CYP2S1: variants seen among roughly 807,000 people sequenced by gnomAD.
The protein encoded by CYP2S1 is cytochrome P450 family 2 subfamily S member 1.
CYP2S1 carries 32 observed loss-of-function variants against 43.5 expected under a neutral mutation model. The ratio of observed to expected loss-of-function variants is 0.74; its 90% CI spans 0.56 to 0.99. The LOEUF is 0.99. Among genes scored for constraint, CYP2S1 ranks in the 50% least tolerant of loss-of-function variants. The probability of loss-of-function intolerance (pLI) is 0.00; values close to 1 mark genes in which losing one functional copy is unlikely to be tolerated. For missense variants in CYP2S1, 575 were observed against 673.9 expected (o/e 0.85, Z 1.62); for synonymous variants, 283 against 302.9 (o/e 0.93, Z 0.68).
intron 2 of CYP2S1, 70 bp downstream of exon 2, chr19:41,194,779 T>G: frequency 1.3e-6 from 2 of 1,553,094 alleles, no homozygotes; most frequent in South Asian, 2.5e-5. Flanking sequence ...CCTTTGCACA[T>G]GGCTTAGTCC....
At chr19:41,203,231 T>C (rs1358990487) in intron 6 of CYP2S1, among the ~76,000 whole-genome samples, 1 of 151,092 alleles carries the variant, frequency 6.6e-6, no homozygotes, top group Non-Finnish European at 1.5e-5. Context: ...ATAATAATAA[T>C]AAAATGAAAT....
At chr19:41,200,672 C>T (rs1037762254) in intron 5 of CYP2S1, among the ~76,000 whole-genome samples, 10 of 152,148 alleles carry the variant, frequency 6.6e-5, no homozygotes, top group Non-Finnish European at 1.3e-4. Flanking sequence ...CTGTGCCTGG[C>T]CAGGAAGTAG....
rs1172318808 is a variant in CYP2S1, at chr19:41,193,339, G to C, written c.75G>C (p.Gly25=). Residue 25 remains glycine, a synonymous_variant, in exon 1 of 9, where the codon GGG becomes GGC. Transcript: ENST00000310054. ...LLLLLTLALS[G]TRARGHLPPG... ...TGCTGCTGACGCTGGCGCTGTCCGG[G>C]ACCAGGGCCCGAGGCCACCTGCCCC... 7.1e-6 allele frequency: 11 copies of C among 1,539,742 alleles called. No homozygotes were observed. Among genetic ancestry groups the C allele is most frequent in the Non-Finnish European group, 9.6e-6 (11 of 1,142,756 alleles).
chr19:41,197,575 C>T (rs1442340733), intron 2 of CYP2S1, among the ~76,000 whole-genome samples: 1 of 151,930 alleles, frequency 6.6e-6, no homozygotes, highest in South Asian at 2.1e-4. Flanking sequence ...TGGCGGGCGC[C>T]TGTAGTCCCA....
At position 41,203,449 on chromosome 19, in the gene CYP2S1, G is replaced by C; in HGVS notation, c.977-1G>C. The C allele has an allele frequency of 6.3e-7, 1 of 1,598,096 alleles. No homozygotes were observed. The highest frequency in any genetic ancestry group is 8.5e-7 in the Non-Finnish European group (1 of 1,172,020). On this transcript the variant is annotated splice_acceptor_variant, in intron 6 of 8. Transcript: ENST00000310054. LOFTEE classifies it high-confidence loss of function. ...GACTCCTGCCCTCCTCTTGCTTGCA[G>C]AGTGGGTACGTGAGGAGCTGAATCG...
intron 2 of CYP2S1, 128 bp downstream of exon 2, chr19:41,194,837 C>A: frequency 1.5e-6 from 2 of 1,339,478 alleles, no homozygotes; most frequent in Non-Finnish European, 2.0e-6. Flanking sequence ...GCCCATCAGC[C>A]GGGTGCAGTG....
chr19:41,199,549 T>A (rs1339489467), intron 5 of CYP2S1, among the ~76,000 whole-genome samples: 1 of 105,372 alleles, frequency 9.5e-6, no homozygotes, highest in East Asian at 2.5e-4. Context: ...CCTGGCTAAA[T>A]TTTTTTTTTT....
At position 41,194,529 on chromosome 19, in the gene CYP2S1, C is replaced by G; in HGVS notation, c.178-15C>G. Reference sequence around the variant, plus strand: ...AGGTCACAGCACCCTCCTCTTTCTTCCTCCCTACCCCCAGCTGAGTAAGAA... The same window carrying G: ...AGGTCACAGCACCCTCCTCTTTCTTGCTCCCTACCCCCAGCTGAGTAAGAA... On this transcript the variant is annotated splice_polypyrimidine_tract_variant and intron_variant, in intron 1 of 8. Coordinates refer to ENST00000310054, the MANE Select transcript of CYP2S1 (RefSeq NM_030622.8). 6.4e-7 allele frequency: 1 copy of G among 1,559,358 alleles called. No homozygotes were observed.
At chr19:41,197,194 CAAT>C (rs748097152) in intron 2 of CYP2S1, among the ~76,000 whole-genome samples, 3 of 151,990 alleles carry the variant, frequency 2.0e-5, no homozygotes, top group East Asian at 1.9e-4. Flanking sequence ...GACCTCGTCT[CAAT>C]AATAATAATA....
chr19:41,205,892 C>T (rs556872066), intron 7 of CYP2S1, 66 bp from the exon 8 acceptor site: 2 of 1,569,746 alleles, frequency 1.3e-6, no homozygotes, highest in Non-Finnish European at 1.7e-6. Context: ...ACTTGTACTC[C>T]ACACTCGAGG....
intron 7 of CYP2S1, among the ~76,000 whole-genome samples, chr19:41,205,358 C>CTT (rs764749524): frequency 1.0e-5 from 1 of 99,484 alleles, no homozygotes; most frequent in South Asian, 2.7e-4. Flanking sequence ...TTCTTTCTTT[C>CTT]TTTCTTTCTT....
intron 2 of CYP2S1, among the ~76,000 whole-genome samples, chr19:41,196,915 G>C (rs1178195691): frequency 6.6e-6 from 1 of 152,180 alleles, no homozygotes; most frequent in African/African-American, 2.4e-5. Flanking sequence ...TTACAGAACA[G>C]GCCAGGTGCG....
Position 41,206,408 on chromosome 19 carries a change from A to T in CYP2S1, c.1435A>T (p.Ser479Cys). The T allele has an allele frequency of 3.7e-6, 6 of 1,614,136 alleles. No homozygotes were observed. Among genetic ancestry groups the T allele is most frequent in the Non-Finnish European group, 5.1e-6 (6 of 1,180,014 alleles). Residue 479 changes from serine (S) to cysteine (C), a missense_variant, in exon 9 of 9, where the codon AGT (serine) becomes TGT (cysteine). Physicochemically the swap from Ser to Cys is moderately radical, Grantham distance 112. Around this residue, in one of 2 missense-constraint regions of CYP2S1, gnomAD observed 222 missense variants for 306.3 expected, o/e 0.72. Transcript: ENST00000310054. ...PDTLSLKPTV[S>C]GLFNIPPAFQ... ...CACCCTGAGCCTCAAGCCCACCGTC[A>T]GTGGCCTTTTCAACATTCCCCCAGC...
Position 41,198,329 on chromosome 19 carries a change from G to C in CYP2S1, c.494-133G>C. On this transcript the variant is annotated intron_variant, in intron 3 of 8. Transcript: ENST00000310054. This position sits in a 1 kb window ranked among gnomAD's most constrained non-coding sequence, Gnocchi z 4.9. ...TATCTGTCTGTATCCTTCTTTGCCT[G>C]TTTAGCTCTCTCCCTGCGCTGTCCA... The C allele has an allele frequency of 3.4e-6, 4 of 1,183,458 alleles. No homozygotes were observed. Among genetic ancestry groups the C allele is most frequent in the Non-Finnish European group, 4.8e-6 (4 of 836,930 alleles). The allele number at this position is 1,183,458 out of a possible 1,614,324, so 73.3% of individuals were successfully genotyped here. A position where few individuals can be genotyped will look rare whatever the true frequency, so the allele number is the denominator to read the frequency against.
chr19:41,197,641 A>C, intron 2 of CYP2S1, 138 bp from the exon 3 acceptor site: 1 of 1,301,910 alleles, frequency 7.7e-7, no homozygotes, highest in East Asian at 2.5e-5. Flanking sequence ...CAGAGGTTGC[A>C]GTGAGACGAG....
At chr19:41,205,426 C>CTCTCTTTCTT (rs2033560782) in intron 7 of CYP2S1, among the ~76,000 whole-genome samples, 1 of 61,100 alleles carries the variant, frequency 1.6e-5, no homozygotes, top group Non-Finnish European at 2.9e-5. Context: ...CTTTCTCTCT[C>CTCTCTTTCTT]TCTCTCTTTC....
chr19:41,193,284 G>GGGCGCTGCTGCTGGCGCT lies in CYP2S1; in HGVS notation c.30_47dup (p.Ala12_Leu17dup). 1 of 1,541,304 alleles carries GGGCGCTGCTGCTGGCGCT rather than the reference G, an allele frequency of 6.5e-7. No homozygotes were observed. The highest frequency in any genetic ancestry group is 8.7e-7 in the Non-Finnish European group (1 of 1,145,810). On this transcript the variant is annotated inframe_insertion, in exon 1 of 9. Coordinates refer to ENST00000310054, the MANE Select transcript of CYP2S1 (RefSeq NM_030622.8). Reference sequence around the variant, plus strand: ...GCCGAGATGGAGGCGACCGGCACCTGGGCGCTGCTGCTGGCGCTGGCGCTG... The same window carrying GGGCGCTGCTGCTGGCGCT: ...GCCGAGATGGAGGCGACCGGCACCTGGGCGCTGCTGCTGGCGCTGGCGCTGCTGCTGGCGCTGGCGCTG...
intron 1 of CYP2S1, among the ~76,000 whole-genome samples, chr19:41,194,078 C>G (rs543257984): frequency 2.0e-5 from 3 of 151,964 alleles, no homozygotes; most frequent in African/African-American, 7.3e-5. Flanking sequence ...CCTGAAGTTT[C>G]CCATTCAAAA....
At chr19:41,193,544 A>G in intron 1 of CYP2S1, 103 bp downstream of exon 1, 1 of 1,357,690 alleles carries the variant, frequency 7.4e-7, no homozygotes, top group Non-Finnish European at 9.5e-7. Flanking sequence ...GGGAGGAGGC[A>G]GGGGCAGGGG....
Sources: allele counts gnomAD v4.1 joint callset (sites outside exome capture counted in the v4.1 genomes callset), GRCh38; gene constraint gnomAD v4.1.1; regional missense constraint gnomAD v4.1.1; non-coding constraint Gnocchi (gnomAD v3.1); transcripts MANE v1.5; gene names NCBI Gene and HGNC (gene_info 2026-07-23, HGNC 2026-07-21).